CCL28: variants seen among roughly 807,000 people sequenced by gnomAD.
CCL28 encodes the protein C-C motif chemokine 28.
A neutral mutation model predicts 7.1 loss-of-function variants in CCL28; 4 were observed. The ratio of observed to expected loss-of-function variants is 0.56; its 90% CI spans 0.28 to 1.29. The LOEUF is 1.29. Ranked by LOEUF, CCL28 falls within the 50% of genes most tolerant of loss-of-function variation. The probability of loss-of-function intolerance (pLI) is 0.11; values close to 1 mark genes in which losing one functional copy is unlikely to be tolerated. For missense variants in CCL28, 151 were observed against 163.4 expected (o/e 0.92, Z 0.41); for synonymous variants, 55 against 57.8 (o/e 0.95, Z 0.22).
chr5:43,382,817 CT>C (rs1209620824), intron 2 of CCL28, among the ~76,000 whole-genome samples: 1 of 151,078 alleles, frequency 6.6e-6, no homozygotes, highest in African/African-American at 2.4e-5. Context: ...TTTTTCTTTT[CT>C]TTTTTTTTGT....
intron 1 of CCL28, among the ~76,000 whole-genome samples, chr5:43,394,792 C>T (rs1401401140): frequency 6.6e-6 from 1 of 152,048 alleles, no homozygotes; most frequent in Non-Finnish European, 1.5e-5. Flanking sequence ...TGTTACTTTG[C>T]TAAATGCCTA....
intron 1 of CCL28, among the ~76,000 whole-genome samples, chr5:43,410,461 C>T (rs1579759237): frequency 6.6e-6 from 1 of 152,192 alleles, no homozygotes; most frequent in East Asian, 1.9e-4. Flanking sequence ...CGAGACTAAC[C>T]CAAAAGGCTA....
chr5:43,381,945 T>C lies in CCL28; in HGVS notation c.299A>G (p.His100Arg), dbSNP rs752069451. ...CCTCTTGCCATGGTGTTTCTTCCTGTGGCAAACATTTCCTTTACCATTTTT... is the reference window on the plus strand; with the variant it reads ...CCTCTTGCCATGGTGTTTCTTCCTGCGGCAAACATTTCCTTTACCATTTTT... Reference protein sequence around the residue: ...AKKNGKGNVCHRKKHHGKRNS... With the variant: ...AKKNGKGNVCRRKKHHGKRNS... The change falls in exon 3 of 3, where the codon CAC becomes CGC. Residue 100 changes from histidine (H) to arginine (R), a missense_variant. Physicochemically the swap from His to Arg is conservative, Grantham distance 29 (BLOSUM62 0). Transcript: ENST00000361115. 1.2e-6 allele frequency: 2 copies of C among 1,614,212 alleles called. No homozygotes were observed. The highest frequency in any genetic ancestry group is 2.2e-5 in the South Asian group (2 of 91,086).
the CCL28 span, among the ~76,000 whole-genome samples, chr5:43,369,244 T>C: frequency 1.3e-5 from 2 of 152,148 alleles, no homozygotes; most frequent in African/African-American, 2.4e-5. Context: ...GCAGGGATGA[T>C]TGGGAACCAT....
downstream of CCL28, among the ~76,000 whole-genome samples, chr5:43,372,157 C>T (rs1241397287): frequency 2.6e-5 from 4 of 152,174 alleles, no homozygotes; most frequent in Non-Finnish European, 4.4e-5. Context: ...CATTGGGCTC[C>T]TCCTCCAATA....
intron 1 of CCL28, among the ~76,000 whole-genome samples, chr5:43,410,913 T>C (rs1465409432): frequency 4.6e-5 from 7 of 152,104 alleles, no homozygotes; most frequent in Admixed American, 2.6e-4. Flanking sequence ...ATAGATAGAT[T>C]AGTAGAAATT....
downstream of CCL28, among the ~76,000 whole-genome samples, chr5:43,373,609 A>G (rs1254935823): frequency 2.0e-5 from 3 of 152,100 alleles, no homozygotes; most frequent in South Asian, 4.2e-4. Context: ...CTAACACTTG[A>G]TATTTTTATC....
intron 1 of CCL28, among the ~76,000 whole-genome samples, chr5:43,401,664 T>C (rs1273699967): frequency 3.3e-5 from 5 of 152,152 alleles, no homozygotes; most frequent in Non-Finnish European, 1.5e-5. Context: ...ACTCAATAAA[T>C]GGAAACAAAA....
chr5:43,371,719 C>G (rs543965589), downstream of CCL28, among the ~76,000 whole-genome samples: 6 of 152,344 alleles, frequency 3.9e-5, no homozygotes, highest in Non-Finnish European at 7.3e-5. Flanking sequence ...GAGCCACTCC[C>G]AAATTCCTTA....
At chr5:43,363,687 G>C in the CCL28 span, among the ~76,000 whole-genome samples, 2 of 152,258 alleles carry the variant, frequency 1.3e-5, no homozygotes, top group Non-Finnish European at 2.9e-5. Context: ...GACTTCAGGG[G>C]TTTACCCTGA....
At chr5:43,365,312 C>G in the CCL28 span, among the ~76,000 whole-genome samples, 1 of 152,104 alleles carries the variant, frequency 6.6e-6, no homozygotes, top group Admixed American at 6.6e-5. Flanking sequence ...GGTCTTCACT[C>G]TTTATCCAAT....
chr5:43,386,094 G>A (rs967925924), intron 2 of CCL28, among the ~76,000 whole-genome samples: 1 of 152,118 alleles, frequency 6.6e-6, no homozygotes, highest in African/African-American at 2.4e-5. Context: ...CCAATAAGGT[G>A]GAAGGAATTG....
downstream of CCL28, among the ~76,000 whole-genome samples, chr5:43,373,636 T>G (rs1302379172): frequency 6.6e-6 from 1 of 152,082 alleles, no homozygotes; most frequent in Non-Finnish European, 1.5e-5. Flanking sequence ...ATTTTAGCCC[T>G]TCTGATTGGT....
chr5:43,398,214 C>CA (rs1554026984), intron 1 of CCL28, among the ~76,000 whole-genome samples: 1 of 656 alleles, frequency 1.5e-3, no homozygotes, highest in Non-Finnish European at 2.9e-3. Context: ...AATTAGCAGA[C>CA]TTTTTTTTCT....
chr5:43,395,371 G>A (rs1740755575), intron 1 of CCL28, among the ~76,000 whole-genome samples: 2 of 152,028 alleles, frequency 1.3e-5, no homozygotes, highest in African/African-American at 4.8e-5. Flanking sequence ...AGGTTCCTGT[G>A]CAAAGTAATA....
At chr5:43,405,896 G>T (rs1285736270) in intron 1 of CCL28, among the ~76,000 whole-genome samples, 1 of 152,156 alleles carries the variant, frequency 6.6e-6, no homozygotes, top group Non-Finnish European at 1.5e-5. Flanking sequence ...AGAAAATCTA[G>T]AAGAAATGGA....
intron 2 of CCL28, among the ~76,000 whole-genome samples, chr5:43,385,535 TAAGTA>T (rs1284861242): frequency 6.6e-6 from 1 of 152,202 alleles, no homozygotes; most frequent in African/African-American, 2.4e-5. Flanking sequence ...ACATTTTAGA[TAAGTA>T]AAGACATGCT....
intron 1 of CCL28, among the ~76,000 whole-genome samples, chr5:43,405,641 A>G (rs1741244275): frequency 6.6e-6 from 1 of 152,222 alleles, no homozygotes; most frequent in African/African-American, 2.4e-5. Context: ...AGAAATAACT[A>G]AGATCAGAGC....
chr5:43,409,844 A>C (rs1209137683), intron 1 of CCL28, among the ~76,000 whole-genome samples: 1 of 152,074 alleles, frequency 6.6e-6, no homozygotes, highest in Non-Finnish European at 1.5e-5. Flanking sequence ...CCACCGAAAC[A>C]GGATGATAGA....
Sources: gnomAD v4.1 joint callset for allele counts (sites outside exome capture counted in the v4.1 genomes callset) on GRCh38, gnomAD v4.1.1 for gene constraint, MANE v1.5 for transcripts, NCBI Gene and HGNC (gene_info 2026-07-23, HGNC 2026-07-21) for gene names.